The following PTPRO variants were observed in gnomAD, a reference collection of about 807,000 sequenced individuals.
PTPRO encodes receptor-type tyrosine-protein phosphatase O.
In PTPRO, 62 loss-of-function variants were observed where a neutral mutation model predicts 145.2. That is an observed-to-expected ratio of 0.43 (90% confidence interval 0.35 to 0.53). PTPRO has a LOEUF of 0.53. Among genes scored for constraint, PTPRO ranks in the 20% least tolerant of loss-of-function variants. The probability of loss-of-function intolerance (pLI) is 0.01; values close to 1 mark genes in which losing one functional copy is unlikely to be tolerated. For synonymous variants in PTPRO, 565 were observed against 514.7 expected (o/e 1.10, Z -1.32); for missense variants, 1,345 against 1,482.7 (o/e 0.91, Z 1.53).
intron 2 of PTPRO, among the ~76,000 whole-genome samples, chr12:15,488,166 C>A (rs928144920): frequency 6.6e-6 from 1 of 152,160 alleles, no homozygotes; most frequent in African/African-American, 2.4e-5. Flanking sequence ...TGTCCTGGGG[C>A]TTTCTACATC....
rs1251567957 is a variant in PTPRO at position 15,524,638 on chromosome 12, C to CA, written c.1892-176_1892-175insA. On this transcript the variant is annotated intron_variant, in intron 10 of 26. Transcript: ENST00000281171. ...GATGTGGGATCCCATTAAACAAGTG[C>CA]CCATCCTGTATCACCATCCTTCACT... 4.8e-3 allele frequency among the ~76,000 whole-genome samples: 737 copies of CA among 152,218 alleles called. 6 individuals are homozygous for CA. The highest frequency in any genetic ancestry group is 0.017 in the African/African-American group (707 of 41,520).
intron 1 of PTPRO, among the ~76,000 whole-genome samples, chr12:15,411,298 T>C (rs1334661347): frequency 6.6e-6 from 1 of 152,240 alleles, no homozygotes; most frequent in Non-Finnish European, 1.5e-5. Flanking sequence ...GCTTCCATTG[T>C]CTACACAAAA....
At chr12:15,543,828 G>A (rs1342686672) in intron 12 of PTPRO, among the ~76,000 whole-genome samples, 1 of 152,142 alleles carries the variant, frequency 6.6e-6, no homozygotes, top group Non-Finnish European at 1.5e-5. Flanking sequence ...CTTGACCTTC[G>A]AATGAGCAGA....
chr12:15,499,838 A>G (rs1425537145), intron 4 of PTPRO, among the ~76,000 whole-genome samples: 1 of 152,228 alleles, frequency 6.6e-6, no homozygotes, highest in Non-Finnish European at 1.5e-5. Flanking sequence ...CTACTATACT[A>G]TTACCAAAGG....
chr12:15,329,901 A>G (rs1866557022), intron 1 of PTPRO, among the ~76,000 whole-genome samples: 1 of 152,250 alleles, frequency 6.6e-6, no homozygotes, highest in South Asian at 2.1e-4. Flanking sequence ...GGTACGAGTT[A>G]GGTTTAAATA....
intron 18 of PTPRO, among the ~76,000 whole-genome samples, chr12:15,568,482 T>C (rs537543616): frequency 3.4e-4 from 51 of 151,694 alleles, no homozygotes; most frequent in African/African-American, 1.1e-3. Context: ...AGTTAGATGA[T>C]ATAAGCTGAG....
intron 1 of PTPRO, among the ~76,000 whole-genome samples, chr12:15,430,509 A>G (rs1311574350): frequency 6.6e-6 from 1 of 152,142 alleles, no homozygotes; most frequent in African/African-American, 2.4e-5. Context: ...TGTGACAAGT[A>G]TCTCTTAAAG....
At chr12:15,390,053 A>G (rs1208099644) in intron 1 of PTPRO, among the ~76,000 whole-genome samples, 1 of 152,218 alleles carries the variant, frequency 6.6e-6, no homozygotes, top group African/African-American at 2.4e-5. Context: ...AATTCAAATC[A>G]TGCTATTGAT....
chr12:15,333,164 A>G (rs1368320695), intron 1 of PTPRO, among the ~76,000 whole-genome samples: 5 of 152,228 alleles, frequency 3.3e-5, no homozygotes, highest in Non-Finnish European at 5.9e-5. Context: ...GGCACATAGT[A>G]AGCATTCTAT....
chr12:15,469,870 T>C (rs1941501152), intron 1 of PTPRO, among the ~76,000 whole-genome samples: 3 of 152,208 alleles, frequency 2.0e-5, no homozygotes, highest in African/African-American at 7.2e-5. Context: ...AGTTACTGTT[T>C]TTGGAGGATC....
At chr12:15,348,494 G>C (rs11056441) in intron 1 of PTPRO, 36,788 of 152,000 alleles carry the variant, frequency 0.24, 4,672 homozygotes, top group Non-Finnish European at 0.29. Flanking sequence ...CGCGGTGGCT[G>C]ACGCCTGTAA....
At chr12:15,330,096 C>T (rs149693746) in intron 1 of PTPRO, among the ~76,000 whole-genome samples, 2,362 of 152,230 alleles carry the variant, frequency 0.016, 28 homozygotes, top group Non-Finnish European at 0.021. Flanking sequence ...GAGGCCTTAT[C>T]GAAGGGTTTA....
At chr12:15,444,135 A>G (rs1940841564) in intron 1 of PTPRO, among the ~76,000 whole-genome samples, 1 of 152,206 alleles carries the variant, frequency 6.6e-6, no homozygotes, top group South Asian at 2.1e-4. Flanking sequence ...CATATAGACT[A>G]TGGAATACTA....
chr12:15,498,563 G>T (rs1942154989), intron 3 of PTPRO, among the ~76,000 whole-genome samples: 1 of 152,040 alleles, frequency 6.6e-6, no homozygotes, highest in African/African-American at 2.4e-5. Flanking sequence ...ATCTCAAAAT[G>T]AATGAATGAA....
intron 1 of PTPRO, among the ~76,000 whole-genome samples, chr12:15,482,895 G>A (rs1318569334): frequency 1.3e-5 from 2 of 152,086 alleles, no homozygotes; most frequent in African/African-American, 2.4e-5. Context: ...GGTGACCATG[G>A]GCAAGTGACT....
At chr12:15,420,266 G>C (rs1279231076) in intron 1 of PTPRO, among the ~76,000 whole-genome samples, 1 of 151,370 alleles carries the variant, frequency 6.6e-6, no homozygotes, top group Non-Finnish European at 1.5e-5. Context: ...ATGGGGCAGA[G>C]CCCTAATTCC....
chr12:15,555,785 T>G (rs1943605851), intron 15 of PTPRO, among the ~76,000 whole-genome samples: 3 of 152,222 alleles, frequency 2.0e-5, no homozygotes, highest in Admixed American at 2.0e-4. Flanking sequence ...GAATAATGCT[T>G]CCATTTTCTG....
At chr12:15,514,659 T>C (rs1370049320) in intron 7 of PTPRO, among the ~76,000 whole-genome samples, 3 of 152,094 alleles carry the variant, frequency 2.0e-5, no homozygotes, top group Non-Finnish European at 4.4e-5. Context: ...TCTAAATATA[T>C]GACCTTGGCC....
intron 1 of PTPRO, among the ~76,000 whole-genome samples, chr12:15,368,399 C>T (rs1243263715): frequency 6.6e-6 from 1 of 152,328 alleles, no homozygotes. Flanking sequence ...CTTCTAGCAC[C>T]ATTCCTGTAT....
Sources: allele counts gnomAD v4.1 joint callset (sites outside exome capture counted in the v4.1 genomes callset), GRCh38; gene constraint gnomAD v4.1.1; transcripts MANE v1.5; gene names NCBI Gene and HGNC (gene_info 2026-07-23, HGNC 2026-07-21).